The following PLA2G4C variants were observed in gnomAD, a reference collection of about 807,000 sequenced individuals.
The protein encoded by PLA2G4C is cytosolic phospholipase A2 gamma.
A neutral mutation model predicts 73.8 loss-of-function variants in PLA2G4C; 64 were observed. The ratio of observed to expected loss-of-function variants is 0.87; its 90% confidence interval spans 0.71 to 1.07. The LOEUF (loss-of-function observed/expected upper bound fraction) is 1.07. Among genes scored for constraint, PLA2G4C ranks in the 50% least tolerant of loss-of-function variants. The pLI, the probability that PLA2G4C is intolerant of heterozygous loss-of-function variation, is 0.00. For synonymous variants in PLA2G4C, 254 were observed against 252.1 expected (o/e 1.01, Z -0.07); for missense variants, 622 against 665.4 (o/e 0.93, Z 0.72).
chr19:48,077,736 A>C (rs1307206884), intron 11 of PLA2G4C, 35 bp downstream of exon 11: 1 of 1,519,072 alleles, frequency 6.6e-7, no homozygotes, highest in African/African-American at 1.4e-5. Flanking sequence ...AGTCCACACT[A>C]TCATTAGGGA....
intron 12 of PLA2G4C, among the ~76,000 whole-genome samples, chr19:48,074,280 C>T (rs1789456513): frequency 6.6e-6 from 1 of 152,136 alleles, no homozygotes; most frequent in African/African-American, 2.4e-5. Flanking sequence ...TAATGACTTC[C>T]AGCTCCACCC....
At chr19:48,058,565 C>T (rs1262340587) in intron 14 of PLA2G4C, among the ~76,000 whole-genome samples, 2 of 152,114 alleles carry the variant, frequency 1.3e-5, no homozygotes, top group Non-Finnish European at 2.9e-5. Flanking sequence ...TGCCTATAAT[C>T]CCAGCACTTT....
At chr19:48,080,453 G>A (rs1302570635) in intron 10 of PLA2G4C, among the ~76,000 whole-genome samples, 2 of 152,086 alleles carry the variant, frequency 1.3e-5, no homozygotes, top group African/African-American at 2.4e-5. Context: ...TAGATCTACC[G>A]TTCGATCCAG....
Position 48,110,734 on chromosome 19 carries a change from A to G in PLA2G4C, c.-280T>C, listed in dbSNP as rs892794764. The stretch of plus-strand genomic sequence containing the variant: ...TTCCTCCTGGTCCTGAGCAGGGCCA[A>G]CCTGGAGGTAAAATGGCCCCTGCGC... On this transcript the variant is annotated 5_prime_UTR_variant, in exon 1 of 17. Coordinates refer to ENST00000599921, the MANE Select transcript of PLA2G4C (RefSeq NM_003706.3). 7 of 419,284 alleles carry G rather than the reference A, an allele frequency of 1.7e-5. No homozygotes were observed. In the African/African-American group the frequency reaches 1.9e-4, roughly 11 times the overall value. The allele number at this position is 419,284 out of a possible 1,614,324, so 26.0% of individuals were successfully genotyped here.
At position 48,047,915 on chromosome 19, in the gene PLA2G4C, A is replaced by T. The variant is rs1409760525; in HGVS notation, c.*428T>A. On this transcript the variant is annotated 3_prime_UTR_variant, in exon 17 of 17. Coordinates refer to ENST00000599921, the MANE Select transcript of PLA2G4C (RefSeq NM_003706.3). ...CTCAGAGCTCCACTTGGCTGTGGAG[A>T]GATAGCCCATGATTTAAGCCCAAGT... 5.2e-6 allele frequency: 1 copy of T among 191,312 alleles called. No homozygotes were observed. The highest frequency in any genetic ancestry group is 2.4e-5 in the African/African-American group (1 of 41,900). 11.9% of individuals were successfully genotyped at this position (191,312 alleles called of 1,614,324 possible).
At chr19:48,098,646 A>T (rs1417881693) in intron 5 of PLA2G4C, among the ~76,000 whole-genome samples, 1 of 137,774 alleles carries the variant, frequency 7.3e-6, no homozygotes, top group African/African-American at 2.7e-5. Flanking sequence ...TGGGAGGCTG[A>T]GGTGGAAGGA....
rs1208091437 is a variant in PLA2G4C, at chr19:48,070,863, C to G, written c.1007-2977G>C. Among the ~76,000 whole-genome samples the G allele has an allele frequency of 3.3e-5, 5 of 152,116 alleles. No individual in the cohort carries two copies. The East Asian group carries it at 9.6e-4, about 29-fold the overall frequency. ...GGCATACGTTTACCTGGGTAACAAA[C>G]CTGCATGTCCTGCACATGTATCCTC... On this transcript the variant is annotated intron_variant, in intron 12 of 16. Coordinates refer to ENST00000599921, the MANE Select transcript of PLA2G4C (RefSeq NM_003706.3).
At chr19:48,108,596 A>G (rs2032342564) in intron 1 of PLA2G4C, among the ~76,000 whole-genome samples, 1 of 152,194 alleles carries the variant, frequency 6.6e-6, no homozygotes, top group South Asian at 2.1e-4. Flanking sequence ...GTTCTTTAGC[A>G]AAGTTCCAGC....
At chr19:48,109,962 A>G (rs935800388) in intron 1 of PLA2G4C, among the ~76,000 whole-genome samples, 8 of 145,816 alleles carry the variant, frequency 5.5e-5, no homozygotes, top group African/African-American at 1.7e-4. Flanking sequence ...TTGGTTTTAT[A>G]AGGAGAGATT....
chr19:48,059,367 G>A (rs1781018762), intron 14 of PLA2G4C, among the ~76,000 whole-genome samples: 1 of 152,054 alleles, frequency 6.6e-6, no homozygotes. Context: ...TGATTGCCTC[G>A]ATGTGTAATC....
At chr19:48,069,735 A>T (rs1046055461) in intron 12 of PLA2G4C, among the ~76,000 whole-genome samples, 1 of 152,106 alleles carries the variant, frequency 6.6e-6, no homozygotes, top group African/African-American at 2.4e-5. Context: ...TTCATCACTC[A>T]TTAGCTGTGT....
chr19:48,083,392 CT>C, intron 10 of PLA2G4C, among the ~76,000 whole-genome samples: 14,432 of 105,664 alleles, frequency 0.14, 876 homozygotes, highest in African/African-American at 0.22. Context: ...ATTTTCTTTT[CT>C]TTTTTTTTTT....
At chr19:48,094,947 C>G (rs1437049575) in intron 7 of PLA2G4C, among the ~76,000 whole-genome samples, 2 of 152,084 alleles carry the variant, frequency 1.3e-5, no homozygotes, top group East Asian at 3.9e-4. Context: ...TGCAGTGGGG[C>G]GATCATAACT....
chr19:48,088,588 T>C, intron 9 of PLA2G4C, 98 bp downstream of exon 9: 1 of 826,582 alleles, frequency 1.2e-6, no homozygotes. Flanking sequence ...GGGCACCAAA[T>C]GAATCATACA....
chr19:48,073,447 C>A (rs1180736191), intron 12 of PLA2G4C, among the ~76,000 whole-genome samples: 3 of 151,882 alleles, frequency 2.0e-5, no homozygotes, highest in Admixed American at 2.0e-4. Context: ...GTCCTCCAGG[C>A]AGGCACTTGG....
intron 10 of PLA2G4C, among the ~76,000 whole-genome samples, chr19:48,081,556 G>C (rs1194925332): frequency 6.6e-6 from 1 of 151,768 alleles, no homozygotes; most frequent in Non-Finnish European, 1.5e-5. Context: ...TCAGGAGTTC[G>C]AGACCAGTCT....
chr19:48,064,403 T>C (rs898796758), intron 13 of PLA2G4C, among the ~76,000 whole-genome samples: 1 of 143,456 alleles, frequency 7.0e-6, no homozygotes, highest in African/African-American at 2.6e-5. Context: ...CACTCTAGCC[T>C]GGGCAACAAA....
intron 8 of PLA2G4C, 88 bp downstream of exon 8, chr19:48,090,276 C>T (rs757288490): frequency 2.1e-6 from 2 of 945,266 alleles, no homozygotes; most frequent in Non-Finnish European, 3.5e-6. Context: ...ACACAGGTCT[C>T]TCTTCTGCCA....
intron 7 of PLA2G4C, among the ~76,000 whole-genome samples, chr19:48,093,551 CA>C (rs982227952): frequency 6.6e-6 from 1 of 152,174 alleles, no homozygotes; most frequent in Admixed American, 6.5e-5. Context: ...TCTCCTATCG[CA>C]CTTGGAATCC....
Sources: allele counts gnomAD v4.1 joint callset (sites outside exome capture counted in the v4.1 genomes callset), GRCh38; gene constraint gnomAD v4.1.1; transcripts MANE v1.5; gene names NCBI Gene and HGNC (gene_info 2026-07-23, HGNC 2026-07-21).